Variants in RAB3B observed in about 807,000 individuals in gnomAD.
RAB3B encodes the protein RAB3B, member RAS oncogene family.
Under a neutral mutation model 20.5 loss-of-function variants are expected in RAB3B, and 11 were observed. The observed-to-expected ratio is 0.54, with a 90% CI of 0.34 to 0.89. The LOEUF (loss-of-function observed/expected upper bound fraction) is 0.89. Among genes scored for constraint, RAB3B ranks in the 40% least tolerant of loss-of-function variants. The pLI, the probability that RAB3B is intolerant of heterozygous loss-of-function variation, is 0.02. For synonymous variants in RAB3B, 99 were observed against 106.3 expected (o/e 0.93, Z 0.42); for missense variants, 225 against 280.9 (o/e 0.80, Z 1.42).
At chr1:51,947,616 G>A (rs759879040) in intron 2 of RAB3B, among the ~76,000 whole-genome samples, 2 of 152,028 alleles carry the variant, frequency 1.3e-5, no homozygotes, top group Non-Finnish European at 2.9e-5. Flanking sequence ...AAGCTTAAAT[G>A]AAATCACATG....
intron 3 of RAB3B, 127 bp from the exon 4 acceptor site, chr1:51,933,569 G>A: frequency 1.2e-6 from 1 of 853,014 alleles, no homozygotes; most frequent in Non-Finnish European, 1.8e-6. Flanking sequence ...GGAGTCTTCG[G>A]GATGTAATTA....
chr1:51,932,539 A>C (rs1242123452), intron 4 of RAB3B, among the ~76,000 whole-genome samples: 1 of 152,202 alleles, frequency 6.6e-6, no homozygotes, highest in East Asian at 1.9e-4. Context: ...TAAGCTTGGA[A>C]AAAGTCAGGA....
intron 2 of RAB3B, among the ~76,000 whole-genome samples, chr1:51,942,339 A>G (rs914692089): frequency 6.6e-6 from 1 of 152,152 alleles, no homozygotes; most frequent in East Asian, 1.9e-4. Flanking sequence ...CTGAATCCCA[A>G]CTAATTAGAA....
intron 3 of RAB3B, 24 bp from the exon 4 acceptor site, chr1:51,933,466 T>C (rs1254461565): frequency 8.7e-6 from 14 of 1,601,414 alleles, no homozygotes; most frequent in African/African-American, 1.3e-5. Context: ...GAAAGAGATA[T>C]GTTAATCATA....
chr1:51,934,916 T>G (rs1335872973), intron 3 of RAB3B, among the ~76,000 whole-genome samples: 1 of 152,138 alleles, frequency 6.6e-6, no homozygotes, highest in East Asian at 1.9e-4. Context: ...TGAAGACATC[T>G]TTTTGTGGAG....
At chr1:51,953,890 G>C (rs1455689960) in intron 2 of RAB3B, among the ~76,000 whole-genome samples, 1 of 152,176 alleles carries the variant, frequency 6.6e-6, no homozygotes, top group Non-Finnish European at 1.5e-5. Context: ...TTGAAATTAT[G>C]AGATACTTTT....
At chr1:51,978,678 C>T (rs978891675) in intron 1 of RAB3B, among the ~76,000 whole-genome samples, 6 of 152,330 alleles carry the variant, frequency 3.9e-5, no homozygotes, top group African/African-American at 1.2e-4. Flanking sequence ...ATCTCCCCTT[C>T]TTCTCAGCAC....
chr1:51,989,593 A>T (rs1211042053), intron 1 of RAB3B, among the ~76,000 whole-genome samples: 1 of 150,110 alleles, frequency 6.7e-6, no homozygotes, highest in African/African-American at 2.5e-5. Flanking sequence ...ATACACTCCA[A>T]GTTCTCCCAC....
chr1:51,974,362 G>A (rs1187323961), intron 2 of RAB3B, among the ~76,000 whole-genome samples: 2 of 152,196 alleles, frequency 1.3e-5, no homozygotes, highest in Non-Finnish European at 2.9e-5. Flanking sequence ...ATTTGTTATA[G>A]CACAGATGGT....
intron 2 of RAB3B, among the ~76,000 whole-genome samples, chr1:51,971,230 A>G (rs1314319450): frequency 6.6e-6 from 1 of 151,578 alleles, no homozygotes; most frequent in African/African-American, 2.4e-5. Flanking sequence ...CAAAGCTCAC[A>G]AAACCAAAAA....
At position 51,912,602 on chromosome 1, in the gene RAB3B, A is replaced by ACATATATAT. The variant is rs1557958127; in HGVS notation, c.*7324_*7325insATATATATG. 7 of 16,284 alleles carry ACATATATAT rather than the reference A, an allele frequency of 4.3e-4. No homozygotes were observed. The highest frequency in any genetic ancestry group is 1.6e-3 in the African/African-American group (7 of 4,472). The allele number at this position is 16,284 out of a possible 1,614,324, so 1.0% of individuals were successfully genotyped here. On this transcript the variant is annotated 3_prime_UTR_variant, in exon 5 of 5. Transcript: ENST00000371655. The stretch of plus-strand genomic sequence containing the variant: ...ATATATATATATATATATATATATA[A>ACATATATAT]AAAATGTTACTCCTGTGAGACAGAA...
chr1:51,963,252 A>G (rs1156739994), intron 2 of RAB3B, among the ~76,000 whole-genome samples: 1 of 152,160 alleles, frequency 6.6e-6, no homozygotes, highest in Non-Finnish European at 1.5e-5. Flanking sequence ...CTCCTTGTAG[A>G]TTCCCAGCAT....
intron 2 of RAB3B, among the ~76,000 whole-genome samples, chr1:51,957,605 G>T (rs58709806): frequency 0.017 from 2,521 of 152,324 alleles, 71 homozygotes; most frequent in East Asian, 0.094. Flanking sequence ...GGAGGATAAA[G>T]TAAGATAAGT....
intron 2 of RAB3B, 143 bp from the exon 3 acceptor site, chr1:51,937,555 T>C (rs939903682): frequency 4.5e-5 from 22 of 490,728 alleles, no homozygotes; most frequent in Non-Finnish European, 7.2e-5. Flanking sequence ...TGGAGTGCCA[T>C]GGCGCGATCT....
intron 4 of RAB3B, among the ~76,000 whole-genome samples, chr1:51,924,068 G>T: frequency 6.6e-6 from 1 of 152,136 alleles, no homozygotes; most frequent in Non-Finnish European, 1.5e-5. Context: ...CCACCTGGAA[G>T]AGTAGGTGCT....
chr1:51,952,363 A>G (rs986060008), intron 2 of RAB3B, among the ~76,000 whole-genome samples: 10 of 152,184 alleles, frequency 6.6e-5, no homozygotes, highest in Non-Finnish European at 2.9e-5. Context: ...GGATATAGCT[A>G]TTGATTTCCA....
In RAB3B at chr1:51,919,583, C is replaced by T. The variant is rs539501777; in HGVS notation, c.*344G>A. Reference sequence around the variant, plus strand: ...TTGGCATGCCCCTGAAGAATGTGTGCGTGTCAAATTTTGGTAAATGGAGGA... The same window carrying T: ...TTGGCATGCCCCTGAAGAATGTGTGTGTGTCAAATTTTGGTAAATGGAGGA... On this transcript the variant is annotated 3_prime_UTR_variant, in exon 5 of 5. Coordinates refer to ENST00000371655, the MANE Select transcript of RAB3B (RefSeq NM_002867.4). 6.5e-5 allele frequency: 13 copies of T among 201,040 alleles called. No homozygotes were observed. The East Asian group carries it at 1.1e-3, about 18-fold the overall frequency. 12.5% of individuals were successfully genotyped at this position (201,040 alleles called of 1,614,324 possible).
intron 1 of RAB3B, among the ~76,000 whole-genome samples, chr1:51,978,281 G>A (rs1685036458): frequency 6.6e-6 from 1 of 152,264 alleles, no homozygotes; most frequent in Non-Finnish European, 1.5e-5. Flanking sequence ...TCATCACTCT[G>A]GGGCTCAATC....
intron 2 of RAB3B, among the ~76,000 whole-genome samples, chr1:51,966,102 A>G (rs181141852): frequency 6.6e-6 from 1 of 152,318 alleles, no homozygotes; most frequent in East Asian, 1.9e-4. Context: ...TGTCTCACCA[A>G]TCGCTGCAGA....
Sources: gnomAD v4.1 joint callset for allele counts (sites outside exome capture counted in the v4.1 genomes callset) on GRCh38, gnomAD v4.1.1 for gene constraint, MANE v1.5 for transcripts, NCBI Gene and HGNC (gene_info 2026-07-23, HGNC 2026-07-21) for gene names.